PDCD11: variants seen among roughly 807,000 people sequenced by gnomAD.
The protein encoded by PDCD11 is programmed cell death 11.
A neutral mutation model predicts 198.9 loss-of-function variants in PDCD11; 97 were observed. That is an observed-to-expected ratio of 0.49 (90% CI 0.41 to 0.58). The LOEUF (loss-of-function observed/expected upper bound fraction) is 0.58, where lower values mean the gene tolerates loss of function less well. Ranked by LOEUF, PDCD11 falls within the 20% of genes least tolerant of loss-of-function variation. The pLI is 0.00. For synonymous variants in PDCD11, 893 were observed against 918.0 expected (o/e 0.97, Z 0.49); for missense variants, 2,102 against 2,312.7 (o/e 0.91, Z 1.87).
chr10:103,433,736 A>T (rs2032031748), intron 22 of PDCD11, among the ~76,000 whole-genome samples: 1 of 152,178 alleles, frequency 6.6e-6, no homozygotes, highest in African/African-American at 2.4e-5. Context: ...AGAGATGCAC[A>T]TTCTGCTAGG....
intron 3 of PDCD11, among the ~76,000 whole-genome samples, chr10:103,402,232 T>A (rs1232218507): frequency 6.6e-6 from 1 of 152,086 alleles, no homozygotes; most frequent in Non-Finnish European, 1.5e-5. Flanking sequence ...TCCTTCATTG[T>A]GTTGTCTGCC....
chr10:103,421,472 A>T lies in PDCD11; in HGVS notation c.2402A>T (p.Asp801Val), dbSNP rs1426012103. ...QRMLLSLRLS[D>V]CGLGDLAITS... ...ATGCTGCTGTCACTGCGGCTGTCGG[A>T]CTGTGGTCTGGGGGACTTGGCTATC... The change falls in exon 17 of 36, where the codon GAC (aspartate) becomes GTC (valine). Residue 801 changes from aspartate (D) to valine (V), a missense_variant. Coordinates refer to ENST00000369797, the MANE Select transcript of PDCD11 (RefSeq NM_014976.2). 2 of 1,601,290 alleles carry T rather than the reference A, an allele frequency of 1.2e-6. No individual in the cohort carries two copies. The highest frequency in any genetic ancestry group is 2.7e-5 in the African/African-American group (2 of 74,810).
In PDCD11 at chr10:103,434,823, A is replaced by G. The variant is rs768478375; in HGVS notation, c.3693A>G (p.Glu1231=). The change falls in exon 25 of 36, where the codon GAA becomes GAG. Residue 1231 remains glutamate, a synonymous_variant. Transcript: ENST00000369797. The part of the protein sequence containing the change: ...LTGPHKLEEG[E]VAMGRVVKVT... ...GTCCTCACAAGCTTGAGGAAGGGGA[A>G]GTGGCCATGGGCCGAGTGGTGAAGG... The G allele has an allele frequency of 6.2e-7, 1 of 1,610,306 alleles. No homozygotes were observed. The highest frequency in any genetic ancestry group is 1.1e-5 in the South Asian group (1 of 90,348).
chr10:103,402,774 C>G (rs2030187690), intron 3 of PDCD11, among the ~76,000 whole-genome samples: 1 of 147,840 alleles, frequency 6.8e-6, no homozygotes, highest in Non-Finnish European at 1.5e-5. Context: ...TAGGGTGTCA[C>G]TTTGTTGCCA....
chr10:103,427,892 C>T (rs941208790), intron 21 of PDCD11, among the ~76,000 whole-genome samples: 1 of 152,020 alleles, frequency 6.6e-6, no homozygotes, highest in South Asian at 2.1e-4. Flanking sequence ...ATTGATAGAC[C>T]CTTAGTGAAT....
Position 103,418,524 on chromosome 10 carries a change from A to T in PDCD11, c.1996A>T (p.Thr666Ser), listed in dbSNP as rs540127006. The stretch of plus-strand genomic sequence containing the variant: ...CCACAACATCCGTGCTTTCCTCCCC[A>T]CATCTCATCTGTCGGACCACGTTGC... ...LPHNIRAFLP[T>S]SHLSDHVANG... Residue 666 changes from threonine to serine, a missense_variant, in exon 15 of 36, where the codon ACA (threonine) becomes TCA (serine). Transcript: ENST00000369797. The T allele has an allele frequency of 6.3e-5, 102 of 1,614,114 alleles. 1 individual carries two copies. In the South Asian group the frequency reaches 1.1e-3, roughly 17 times the overall value.
intron 27 of PDCD11, 107 bp from the exon 28 acceptor site, chr10:103,439,639 C>T (rs1161032396): frequency 1.5e-6 from 2 of 1,331,582 alleles, no homozygotes; most frequent in African/African-American, 1.4e-5. Flanking sequence ...ATGTCTGTCA[C>T]AAATCCTTGT....
chr10:103,425,709 T>G (rs757908235), intron 20 of PDCD11, among the ~76,000 whole-genome samples, 184 bp downstream of exon 20: 3 of 152,164 alleles, frequency 2.0e-5, no homozygotes, highest in Non-Finnish European at 4.4e-5. Context: ...AGACGGAGTC[T>G]CACTCTGTTG....
chr10:103,435,620 C>A (rs1412898913), intron 25 of PDCD11, among the ~76,000 whole-genome samples: 1 of 152,026 alleles, frequency 6.6e-6, no homozygotes, highest in African/African-American at 2.4e-5. Context: ...TCAAGCAATT[C>A]TCCTGCCTCA....
rs566750666 is a variant in PDCD11, at chr10:103,434,871, C to T, written c.3741C>T (p.Thr1247=). ...AGGTGACTCCCAACGAGGGGCTGACCGTCTCCTTCCCCTTTGGGAAGATAG... is the reference window on the plus strand; with the variant it reads ...AGGTGACTCCCAACGAGGGGCTGACTGTCTCCTTCCCCTTTGGGAAGATAG... The part of the protein sequence containing the change: ...VVKVTPNEGL[T]VSFPFGKIGT... Residue 1247 remains threonine, a synonymous_variant, in exon 25 of 36, where the codon ACC becomes ACT. Coordinates refer to ENST00000369797, the MANE Select transcript of PDCD11 (RefSeq NM_014976.2). 4.0e-5 allele frequency: 65 copies of T among 1,612,858 alleles called. No individual in the cohort carries two copies. The highest frequency in any genetic ancestry group is 5.0e-5 in the Admixed American group (3 of 59,902).
intron 5 of PDCD11, 30 bp from the exon 6 acceptor site, chr10:103,405,955 G>A: frequency 6.2e-7 from 1 of 1,610,456 alleles, no homozygotes. Context: ...CTTTGAATTG[G>A]AACTTCTGGG....
chr10:103,421,808 C>CA (rs1046122029), intron 17 of PDCD11, among the ~76,000 whole-genome samples: 5 of 146,742 alleles, frequency 3.4e-5, no homozygotes, highest in Non-Finnish European at 4.5e-5. Context: ...ACTAAAAATA[C>CA]AAAAAAAAAT....
chr10:103,438,421 A>G (rs1381198659), intron 26 of PDCD11, among the ~76,000 whole-genome samples: 1 of 152,120 alleles, frequency 6.6e-6, no homozygotes, highest in Admixed American at 6.5e-5. Context: ...ATGGTTAGAC[A>G]TCAATGTTAA....
intron 1 of PDCD11, among the ~76,000 whole-genome samples, chr10:103,397,458 C>CA (rs1264227577): frequency 6.6e-6 from 1 of 152,200 alleles, no homozygotes; most frequent in Admixed American, 6.5e-5. Flanking sequence ...TTTTTTGAGA[C>CA]AGAGTCTCAC....
intron 3 of PDCD11, among the ~76,000 whole-genome samples, chr10:103,402,452 T>C (rs2030158582): frequency 6.6e-6 from 1 of 152,216 alleles, no homozygotes; most frequent in Admixed American, 6.6e-5. Flanking sequence ...ATTTTTTTAT[T>C]TTCGAGACAG....
intron 15 of PDCD11, among the ~76,000 whole-genome samples, chr10:103,418,978 C>G (rs1251727638): frequency 7.3e-6 from 1 of 136,960 alleles, no homozygotes; most frequent in Non-Finnish European, 1.6e-5. Flanking sequence ...TTCTGTCCCC[C>G]TTTCCTCTTT....
At chr10:103,411,935 G>A (rs944844444) in intron 8 of PDCD11, among the ~76,000 whole-genome samples, 4 of 152,150 alleles carry the variant, frequency 2.6e-5, no homozygotes, top group Admixed American at 2.0e-4. Flanking sequence ...GCTCCTTGGT[G>A]TTGAGGGGAC....
rs2296512 is a variant in PDCD11 at position 103,424,931 on chromosome 10, G to A, written c.2764-53G>A. 3.1e-3 allele frequency: 4,958 copies of A among 1,586,072 alleles called. 178 individuals carry two copies. The East Asian group carries it at 0.081, about 26-fold the overall frequency. On this transcript the variant is annotated intron_variant, in intron 19 of 35. Coordinates refer to ENST00000369797, the MANE Select transcript of PDCD11 (RefSeq NM_014976.2). ...CACCCTGCCCAGTGGGGCCATGAGT[G>A]AGTGACCATGCTGTGTAAGGAAAGC...
At chr10:103,417,489 A>G (rs1192688864) in intron 13 of PDCD11, among the ~76,000 whole-genome samples, 3 of 152,248 alleles carry the variant, frequency 2.0e-5, no homozygotes, top group Non-Finnish European at 4.4e-5. Context: ...TGATATTTCA[A>G]TACATGCTTA....
Sources: gnomAD v4.1 joint callset for allele counts (sites outside exome capture counted in the v4.1 genomes callset) on GRCh38, gnomAD v4.1.1 for gene constraint, MANE v1.5 for transcripts, NCBI Gene and HGNC (gene_info 2026-07-23, HGNC 2026-07-21) for gene names.